Variants in ENKUR observed in about 807,000 individuals in gnomAD.
The protein encoded by ENKUR is enkurin.
In ENKUR, 19 loss-of-function variants were observed where a neutral mutation model predicts 27.6. That is an observed-to-expected ratio of 0.69 (90% CI 0.48 to 1.01). ENKUR has a LOEUF of 1.01. Among genes scored for constraint, ENKUR ranks in the 50% least tolerant of loss-of-function variants. The pLI, the probability that ENKUR is intolerant of heterozygous loss-of-function variation, is 0.00. For synonymous variants in ENKUR, 117 were observed against 96.9 expected, an observed-to-expected ratio of 1.21 and a Z score of -1.22; for missense variants, 312 against 310.5, an observed-to-expected ratio of 1.00 and a Z score of -0.04.
At chr10:25,017,866 A>G (rs911651417), upstream of ENKUR, among the ~76,000 whole-genome samples, 4 of 152,298 alleles carry the variant, frequency 2.6e-5, no homozygotes, top group South Asian at 8.3e-4. Context: ...AACCTCCTGT[A>G]TGTACGAAGA....
intron 1 of ENKUR, among the ~76,000 whole-genome samples, chr10:25,007,528 G>A (rs1478577063): frequency 6.6e-6 from 1 of 152,104 alleles, no homozygotes; most frequent in Non-Finnish European, 1.5e-5. Flanking sequence ...TCCGCCTCCC[G>A]GGTTCACACC....
Position 24,983,511 on chromosome 10 carries a change from G to A in ENKUR, c.*859C>T, listed in dbSNP as rs950375259. ...CCCTAAATAGCAACCAACCATTCTT[G>A]GTAAGTGAGAATTTGTCATATATTA... is the stretch of plus-strand genomic sequence containing the variant. On this transcript the variant is annotated 3_prime_UTR_variant, in exon 6 of 6. Transcript: ENST00000331161. 1 of 152,060 alleles carries A rather than the reference G, an allele frequency of 6.6e-6. No homozygotes were observed. Among genetic ancestry groups the A allele is most frequent in the Non-Finnish European group, 1.5e-5 (1 of 68,024 alleles). 9.4% of individuals were successfully genotyped at this position (152,060 alleles called of 1,614,324 possible). A position where few individuals can be genotyped will look rare whatever the true frequency, so the allele number is the denominator to read the frequency against.
chr10:25,020,282 A>ATCTATATCTATATC (rs1564347806), upstream of ENKUR, among the ~76,000 whole-genome samples: 12 of 151,766 alleles, frequency 7.9e-5, no homozygotes, highest in South Asian at 2.1e-4. Flanking sequence ...ATCTATATAT[A>ATCTATATCTATATC]TCTACCCCAA....
At chr10:24,995,520 G>C in intron 3 of ENKUR, 126 bp downstream of exon 3, 4 of 852,924 alleles carry the variant, frequency 4.7e-6, no homozygotes, top group Non-Finnish European at 7.1e-6. Flanking sequence ...GCAGAAGAAT[G>C]AGAATCAGCA....
intron 2 of ENKUR, chr10:25,023,292 T>C (rs1314138384): frequency 1.9e-6 from 3 of 1,614,022 alleles, no homozygotes. Flanking sequence ...GTATACATGT[T>C]AAAACGGATA....
chr10:25,017,809 T>C (rs745320962), upstream of ENKUR, among the ~76,000 whole-genome samples: 20 of 152,140 alleles, frequency 1.3e-4, no homozygotes, highest in Non-Finnish European at 2.5e-4. Context: ...GAGTATTTTA[T>C]GTTTGGGATT....
At chr10:24,997,737 GT>G (rs956101559) in intron 2 of ENKUR, among the ~76,000 whole-genome samples, 78 of 151,478 alleles carry the variant, frequency 5.1e-4, no homozygotes, top group African/African-American at 1.8e-3. Flanking sequence ...GAAATTTTGG[GT>G]TTGCTTTTGC....
chr10:25,039,396 A>G (rs1300466825), intron 2 of ENKUR, among the ~76,000 whole-genome samples: 1 of 152,154 alleles, frequency 6.6e-6, no homozygotes, highest in Non-Finnish European at 1.5e-5. Flanking sequence ...CCTGGGCAAC[A>G]TGGCAGTACC....
At chr10:25,053,910 T>C (rs1173972592) in intron 2 of ENKUR, among the ~76,000 whole-genome samples, 4 of 152,174 alleles carry the variant, frequency 2.6e-5, no homozygotes, top group Non-Finnish European at 5.9e-5. Context: ...CTAATATGGT[T>C]GGAGCCCCCA....
intron 2 of ENKUR, among the ~76,000 whole-genome samples, chr10:25,031,180 A>T (rs1282184639): frequency 1.3e-5 from 2 of 152,220 alleles, no homozygotes; most frequent in African/African-American, 4.8e-5. Flanking sequence ...CCTTATGTGC[A>T]TGCTATTCCT....
chr10:25,023,543 G>C (rs1265175186), intron 2 of ENKUR: 1 of 1,614,084 alleles, frequency 6.2e-7, no homozygotes, highest in African/African-American at 1.3e-5. Context: ...CAGGATGTTG[G>C]TAATGAGCAA....
chr10:25,059,128 C>G (rs868263520), intron 2 of ENKUR, among the ~76,000 whole-genome samples: 1 of 128,180 alleles, frequency 7.8e-6, no homozygotes, highest in Admixed American at 7.9e-5. Flanking sequence ...TATTCTTTTT[C>G]TTTCTTTTTT....
intron 1 of ENKUR, among the ~76,000 whole-genome samples, chr10:25,007,257 G>A (rs189459730): frequency 7.0e-4 from 107 of 152,222 alleles, no homozygotes; most frequent in East Asian, 2.9e-3. Context: ...TCTAAAAAAT[G>A]AGTCTAACGT....
intron 2 of ENKUR, chr10:25,024,302 A>T: frequency 6.2e-7 from 1 of 1,614,188 alleles, no homozygotes; most frequent in Non-Finnish European, 8.5e-7. Context: ...CTTATGCCTC[A>T]TATTTTTGCA....
chr10:24,995,743 A>C lies in ENKUR; in HGVS notation c.350T>G (p.Val117Gly), dbSNP rs1455844189. 1 of 1,613,890 alleles carries C rather than the reference A, an allele frequency of 6.2e-7. No homozygotes were observed. The highest frequency in any genetic ancestry group is 1.1e-5 in the South Asian group (1 of 91,034). The change falls in exon 3 of 6, where the codon GTG becomes GGG. Residue 117 changes from valine (V) to glycine (G), a missense_variant. Transcript: ENST00000331161. ...ATAAATTGGTTTAGGCTTTTTAGCC[A>C]CTCCCATGATGATATCAGCTGCATT... Reference protein sequence around the residue: ...NTNAADIIMGVAKKPKPIYVD... With the variant: ...NTNAADIIMGGAKKPKPIYVD...
At position 24,990,718 on chromosome 10, in the gene ENKUR, T is replaced by G. The variant is rs1588648587; in HGVS notation, c.448-109A>C. ...AAAGAAATGGTACAGACTAAATCCTTTGTTCAAAACCCTGTAAATTGACAA... is the reference window on the plus strand; with the variant it reads ...AAAGAAATGGTACAGACTAAATCCTGTGTTCAAAACCCTGTAAATTGACAA... On this transcript the variant is annotated intron_variant, in intron 3 of 5. Transcript: ENST00000331161. 5 of 1,141,612 alleles carry G rather than the reference T, an allele frequency of 4.4e-6. No homozygotes were observed. In the East Asian group the frequency reaches 9.9e-5, roughly 23 times the overall value. 70.7% of individuals were successfully genotyped at this position (1,141,612 alleles called of 1,614,324 possible).
chr10:25,002,015 T>C (rs1850197946), intron 1 of ENKUR, among the ~76,000 whole-genome samples: 4 of 152,224 alleles, frequency 2.6e-5, no homozygotes, highest in Admixed American at 2.0e-4. Flanking sequence ...TTAGCTTTTT[T>C]CTGGGATTCA....
intron 2 of ENKUR, among the ~76,000 whole-genome samples, chr10:25,057,279 G>A (rs1311224191): frequency 6.6e-6 from 1 of 151,834 alleles, no homozygotes; most frequent in Non-Finnish European, 1.5e-5. Context: ...GTGAAGTAAT[G>A]AGATAGAAGA....
chr10:24,984,536 G>A (rs1341775952), intron 5 of ENKUR, 160 bp from the exon 6 acceptor site: 23 of 1,125,052 alleles, frequency 2.0e-5, no homozygotes, highest in African/African-American at 3.2e-5. Context: ...TGTGGAAAAC[G>A]TGACACTAGT....
Sources: allele counts gnomAD v4.1 joint callset (sites outside exome capture counted in the v4.1 genomes callset), GRCh38; gene constraint gnomAD v4.1.1; transcripts MANE v1.5; gene names NCBI Gene and HGNC (gene_info 2026-07-23, HGNC 2026-07-21).